Variants in CCDC57 observed in about 807,000 individuals in gnomAD.
CCDC57 encodes the protein coiled-coil domain containing 57, also known as coiled-coil domain-containing protein 57.
A neutral mutation model predicts 118.9 loss-of-function variants in CCDC57; 118 were observed. The ratio of observed to expected loss-of-function variants is 0.99; its 90% CI spans 0.86 to 1.16. The LOEUF (loss-of-function observed/expected upper bound fraction) is 1.16, where lower values mean the gene tolerates loss of function less well. CCDC57 is among the 50% of genes most tolerant of loss of function. The pLI is 0.00. For missense variants in CCDC57, 1,300 were observed against 1,320.7 expected, an observed-to-expected ratio of 0.98 and a Z score of 0.24; for synonymous variants, 527 against 532.9, an observed-to-expected ratio of 0.99 and a Z score of 0.15.
intron 19 of CCDC57, among the ~76,000 whole-genome samples, chr17:82,102,873 C>G (rs1398709610): frequency 6.9e-6 from 1 of 145,028 alleles, no homozygotes; most frequent in African/African-American, 2.6e-5. Flanking sequence ...CGGACAAGGG[C>G]AAACTCTATC....
At chr17:82,107,993 G>T (rs959784346) in intron 19 of CCDC57, among the ~76,000 whole-genome samples, 4 of 152,188 alleles carry the variant, frequency 2.6e-5, no homozygotes, top group African/African-American at 9.7e-5. Flanking sequence ...GCAAATGCAT[G>T]AGCATTTCTG....
At chr17:82,134,165 C>A (rs1040624925) in exon 17 of CCDC57, 2 of 1,349,400 alleles carry the variant, frequency 1.5e-6, no homozygotes, top group Non-Finnish European at 1.9e-6. Context: ...GCCTCAGGGG[C>A]AGGAGGGAGG....
intron 16 of CCDC57, among the ~76,000 whole-genome samples, chr17:82,137,925 G>A (rs957136122): frequency 6.6e-6 from 1 of 151,788 alleles, no homozygotes; most frequent in Non-Finnish European, 1.5e-5. Flanking sequence ...ACCTGCCTCG[G>A]CCTCCCAAAG....
intron 19 of CCDC57, among the ~76,000 whole-genome samples, chr17:82,116,912 C>T (rs1345571818): frequency 6.6e-6 from 1 of 152,232 alleles, no homozygotes; most frequent in African/African-American, 2.4e-5. Context: ...CCCTTCGAGT[C>T]CCTGACTTTC....
chr17:82,187,001 G>A (rs2047004789), intron 8 of CCDC57, among the ~76,000 whole-genome samples: 1 of 151,952 alleles, frequency 6.6e-6, no homozygotes, highest in Non-Finnish European at 1.5e-5. Context: ...CACTTTGGGA[G>A]GCCGAGGCAG....
At chr17:82,146,953 G>A (rs1205133120) in intron 16 of CCDC57, among the ~76,000 whole-genome samples, 1 of 152,226 alleles carries the variant, frequency 6.6e-6, no homozygotes, top group Non-Finnish European at 1.5e-5. Flanking sequence ...CTCGGGAAGT[G>A]CTAGGATTAC....
chr17:82,169,200 C>T (rs1164538849), intron 13 of CCDC57, among the ~76,000 whole-genome samples: 1 of 152,186 alleles, frequency 6.6e-6, no homozygotes, highest in African/African-American at 2.4e-5. Flanking sequence ...AATCTCGGCT[C>T]ACTGCAACCT....
chr17:82,162,498 C>G (rs147884457), intron 14 of CCDC57, among the ~76,000 whole-genome samples: 3 of 152,344 alleles, frequency 2.0e-5, no homozygotes, highest in African/African-American at 4.8e-5. Context: ...TTGCCGGGGC[C>G]CTAGTATCTC....
In CCDC57 at chr17:82,128,539, C is replaced by T. The variant is rs377460901; in HGVS notation, c.2636G>A (p.Arg879His). The T allele has an allele frequency of 5.1e-5, 80 of 1,575,236 alleles. No homozygotes were observed. The highest frequency in any genetic ancestry group is 8.1e-5 in the African/African-American group (6 of 74,088). Residue 879 changes from arginine to histidine, a missense_variant, in exon 18 of 20, where the codon CGC (arginine) becomes CAC (histidine). By Grantham distance (29) the Arg-to-His change is conservative. Coordinates refer to ENST00000665763, the Ensembl canonical transcript of CCDC57. ...AAGTCTGCTGCCCACCTGTGCTGAG[C>T]GGGGCTGGTGCTTTCCCAAGTGTCT...
intron 13 of CCDC57, 150 bp downstream of exon 12, chr17:82,171,551 G>C: frequency 1.3e-6 from 1 of 747,154 alleles, no homozygotes; most frequent in Non-Finnish European, 2.1e-6. Context: ...GTGGGCTCTG[G>C]AGGGAGCACA....
chr17:82,171,597 C>T, intron 13 of CCDC57, 104 bp downstream of exon 12: 1 of 1,282,114 alleles, frequency 7.8e-7, no homozygotes, highest in Non-Finnish European at 1.1e-6. Flanking sequence ...GCCCCAACGT[C>T]TGCAGTAGCC....
chr17:82,130,355 G>A (rs1301503698), intron 17 of CCDC57, among the ~76,000 whole-genome samples: 1 of 151,534 alleles, frequency 6.6e-6, no homozygotes, highest in Admixed American at 6.6e-5. Context: ...CCCCATGCCC[G>A]ACTAAGTTTT....
chr17:82,126,207 G>A (rs1165241235), intron 19 of CCDC57: 1 of 225,048 alleles, frequency 4.4e-6, no homozygotes, highest in African/African-American at 2.3e-5. Flanking sequence ...TTGAACCCGG[G>A]AGGAGGAGCT....
chr17:82,141,705 A>C (rs369396726), intron 16 of CCDC57, among the ~76,000 whole-genome samples: 232 of 152,298 alleles, frequency 1.5e-3, no homozygotes, highest in African/African-American at 5.4e-3. Context: ...GTTTTCATGC[A>C]GACGTGTGAG....
chr17:82,163,635 C>T (rs1378525731), intron 13 of CCDC57, among the ~76,000 whole-genome samples: 6 of 152,042 alleles, frequency 3.9e-5, no homozygotes, highest in Admixed American at 1.3e-4. Context: ...ACCAATTGCT[C>T]CAGTCTGTCC....
chr17:82,113,081 C>G (rs1006268137), intron 19 of CCDC57: 5 of 408,328 alleles, frequency 1.2e-5, no homozygotes, highest in Non-Finnish European at 2.2e-5. Context: ...ACACAAGTTA[C>G]TTTCCTAAGT....
At chr17:82,169,463 G>C (rs2044403525) in intron 13 of CCDC57, among the ~76,000 whole-genome samples, 1 of 152,204 alleles carries the variant, frequency 6.6e-6, no homozygotes, top group Non-Finnish European at 1.5e-5. Context: ...CTGTGCCAGT[G>C]GAGTGTCCTG....
chr17:82,139,418 G>T (rs941565583), intron 16 of CCDC57, among the ~76,000 whole-genome samples: 2 of 151,752 alleles, frequency 1.3e-5, no homozygotes, highest in African/African-American at 4.8e-5. Flanking sequence ...TGCAGTGGTG[G>T]GATCTCGGCT....
intron 9 of CCDC57, among the ~76,000 whole-genome samples, chr17:82,182,499 G>A (rs372301507): frequency 9.2e-5 from 14 of 151,626 alleles, no homozygotes; most frequent in East Asian, 3.9e-4. Context: ...GATTACAGGC[G>A]TGTGACACCA....
Sources: gnomAD v4.1 joint callset for allele counts (sites outside exome capture counted in the v4.1 genomes callset) on GRCh38, gnomAD v4.1.1 for gene constraint, MANE v1.5 for transcripts, NCBI Gene and HGNC (gene_info 2026-07-23, HGNC 2026-07-21) for gene names.